MVB12B: variants seen among roughly 807,000 people sequenced by gnomAD.
The protein encoded by MVB12B is ESCRT-I complex subunit MVB12B.
MVB12B carries 16 observed loss-of-function variants against 41.6 expected under a neutral mutation model. That is an observed-to-expected ratio of 0.38 (90% CI 0.26 to 0.58). The LOEUF is 0.58. Ranked by LOEUF, MVB12B falls within the 20% of genes least tolerant of loss-of-function variation. MVB12B has a pLI of 0.62. For missense variants in MVB12B, 274 were observed against 380.2 expected (o/e 0.72, Z 2.32); for synonymous variants, 133 against 139.7 (o/e 0.95, Z 0.34).
Position 126,412,298 on chromosome 9 carries a change from A to T in MVB12B, c.663-9556A>T, listed in dbSNP as rs565184707. ...TGTGCGTCACAGATGACTTCTTCCC[A>T]GTGGTGTTTGCAGGAATAATGTGGA... On this transcript the variant is annotated intron_variant, in intron 6 of 9. Transcript: ENST00000361171. 4.6e-5 allele frequency among the ~76,000 whole-genome samples: 7 copies of T among 152,278 alleles called. 1 individual carries two copies. In the South Asian group the frequency reaches 1.5e-3, roughly 32 times the overall value.
At chr9:126,434,564 T>C (rs918090902) in intron 7 of MVB12B, among the ~76,000 whole-genome samples, 1 of 152,254 alleles carries the variant, frequency 6.6e-6, no homozygotes, top group African/African-American at 2.4e-5. Context: ...AATCGCTTGC[T>C]ACCTAGAGGC....
At chr9:126,406,095 C>T (rs922565865) in intron 6 of MVB12B, among the ~76,000 whole-genome samples, 2 of 150,654 alleles carry the variant, frequency 1.3e-5, no homozygotes, top group African/African-American at 2.4e-5. Flanking sequence ...CCCAGGCTGG[C>T]GTGTTGAGAA....
chr9:126,382,968 T>C (rs987659707), intron 3 of MVB12B, among the ~76,000 whole-genome samples: 5 of 152,142 alleles, frequency 3.3e-5, no homozygotes, highest in African/African-American at 9.7e-5. Context: ...ACAAGGGCAG[T>C]GTGAAAAGCC....
chr9:126,420,504 C>G (rs1343575381), intron 6 of MVB12B, among the ~76,000 whole-genome samples: 2 of 151,414 alleles, frequency 1.3e-5, no homozygotes, highest in Admixed American at 1.3e-4. Flanking sequence ...CCGGTTCCAG[C>G]TCAATCCTGG....
At chr9:126,360,479 T>C (rs894636220) in intron 2 of MVB12B, among the ~76,000 whole-genome samples, 9 of 152,238 alleles carry the variant, frequency 5.9e-5, no homozygotes, top group African/African-American at 1.9e-4. Context: ...CTGTGATTCA[T>C]TGACTTCAGC....
At chr9:126,440,631 C>T (rs1431187946) in intron 7 of MVB12B, among the ~76,000 whole-genome samples, 1 of 151,738 alleles carries the variant, frequency 6.6e-6, no homozygotes, top group Non-Finnish European at 1.5e-5. Flanking sequence ...CACTTCTAAA[C>T]GTGTAGCAAA....
chr9:126,340,570 T>A lies in MVB12B; in HGVS notation c.144T>A (p.Asp48Glu), dbSNP rs1829417132. 8 of 1,614,186 alleles carry A rather than the reference T, an allele frequency of 5.0e-6. No individual in the cohort carries two copies. Among genetic ancestry groups the A allele is most frequent in the Non-Finnish European group, 6.8e-6 (8 of 1,180,010 alleles). ...LSEALPETSM[D>E]PITGVGVVAS... ...AAGCCTTGCCAGAAACGTCAATGGA[T>A]CCCATCACGGGAGTCGGGGTGGTGG... Residue 48 changes from aspartate (D) to glutamate (E), a missense_variant, in exon 2 of 10, where the codon GAT (aspartate) becomes GAA (glutamate). Transcript: ENST00000361171. This position sits in a 1 kb window ranked among gnomAD's most constrained non-coding sequence, Gnocchi z 4.0.
chr9:126,345,556 A>C (rs958383215), intron 2 of MVB12B, among the ~76,000 whole-genome samples: 32 of 152,384 alleles, frequency 2.1e-4, no homozygotes, highest in Middle Eastern at 3.4e-3. Context: ...AGGCCTGATG[A>C]TAATAAGCAT....
intron 9 of MVB12B, among the ~76,000 whole-genome samples, chr9:126,497,129 A>G (rs993401808): frequency 7.2e-5 from 11 of 152,158 alleles, no homozygotes; most frequent in African/African-American, 2.4e-4. Flanking sequence ...GTGCCCAGAC[A>G]CACAGGCTTC....
intron 2 of MVB12B, among the ~76,000 whole-genome samples, chr9:126,350,246 G>T (rs1829711176): frequency 6.6e-6 from 1 of 152,088 alleles, no homozygotes; most frequent in African/African-American, 2.4e-5. Flanking sequence ...TGAGTCCTTT[G>T]TTGGATATGT....
intron 2 of MVB12B, among the ~76,000 whole-genome samples, chr9:126,377,727 G>A (rs967587623): frequency 6.6e-6 from 1 of 152,060 alleles, no homozygotes; most frequent in Non-Finnish European, 1.5e-5. Context: ...GGATAGCAGC[G>A]GGAGGGCAGA....
At chr9:126,434,539 C>CCTGTGTGCTGCCCTG (rs1490943260) in intron 7 of MVB12B, among the ~76,000 whole-genome samples, 1 of 152,222 alleles carries the variant, frequency 6.6e-6, no homozygotes, top group East Asian at 1.9e-4. Flanking sequence ...TCTGGTGACA[C>CCTGTGTGCTGCCCTG]ACTTAGAAGT....
At chr9:126,493,565 C>T (rs1309528202) in intron 9 of MVB12B, among the ~76,000 whole-genome samples, 1 of 152,128 alleles carries the variant, frequency 6.6e-6, no homozygotes, top group Non-Finnish European at 1.5e-5. Flanking sequence ...GAAGGAAGTT[C>T]CGAAAAGCCC....
At chr9:126,375,363 C>CTTTTTTTT (rs35585049) in intron 2 of MVB12B, among the ~76,000 whole-genome samples, 2 of 105,210 alleles carry the variant, frequency 1.9e-5, no homozygotes, top group African/African-American at 3.8e-5. Context: ...TAAATTGATT[C>CTTTTTTTT]TTTTTTTTTT....
At position 126,483,034 on chromosome 9, in the gene MVB12B, C is replaced by T. The variant is rs149363300; in HGVS notation, c.814-939C>T. ...TGGCCTCACAGGAAACCCCTGCTGG[C>T]TTCGCGGAGGCTCCAGCTCCCCTCC... On this transcript the variant is annotated intron_variant, in intron 8 of 9. Transcript: ENST00000361171. Among the ~76,000 whole-genome samples, 330 of 152,384 alleles carry T rather than the reference C, an allele frequency of 2.2e-3. 1 individual carries two copies. Among genetic ancestry groups the T allele is most frequent in the African/African-American group, 7.0e-3 (293 of 41,598 alleles).
chr9:126,472,416 T>C (rs1412563451), intron 7 of MVB12B, among the ~76,000 whole-genome samples: 1 of 150,820 alleles, frequency 6.6e-6, no homozygotes, highest in Non-Finnish European at 1.5e-5. Context: ...AGCATGCAGA[T>C]TGGACTGACT....
intron 6 of MVB12B, among the ~76,000 whole-genome samples, chr9:126,409,951 T>A (rs1831581101): frequency 1.3e-5 from 2 of 152,228 alleles, no homozygotes; most frequent in South Asian, 4.1e-4. Flanking sequence ...TAACCGTTGT[T>A]CTTGATTATT....
Position 126,392,334 on chromosome 9 carries a change from G to A in MVB12B, c.539+139G>A, listed in dbSNP as rs1830982072. The A allele has an allele frequency of 4.0e-6, 4 of 1,003,006 alleles. No individual in the cohort carries two copies. Among genetic ancestry groups the A allele is most frequent in the Middle Eastern group, 3.1e-4 (1 of 3,240 alleles). 62.1% of individuals were successfully genotyped at this position (1,003,006 alleles called of 1,614,324 possible). A position where few individuals can be genotyped will look rare whatever the true frequency, so the allele number is the denominator to read the frequency against. ...GGCCTCTGTCAGCCCAGTGCTCCTC[G>A]CTGCCCTTCCTGCTCAGCTGCGGTC... On this transcript the variant is annotated intron_variant, in intron 5 of 9. Coordinates refer to ENST00000361171, the MANE Select transcript of MVB12B (RefSeq NM_033446.3). The surrounding 1 kb of genome is among the most constrained non-coding windows in gnomAD (Gnocchi z 4.8).
chr9:126,340,409 G>A lies in MVB12B; in HGVS notation c.82-99G>A. 1.4e-6 allele frequency: 2 copies of A among 1,385,394 alleles called. No homozygotes were observed. Among genetic ancestry groups the A allele is most frequent in the Non-Finnish European group, 2.0e-6 (2 of 994,040 alleles). The allele number at this position is 1,385,394 out of a possible 1,614,324, so 85.8% of individuals were successfully genotyped here. A position where few individuals can be genotyped will look rare whatever the true frequency, so the allele number is the denominator to read the frequency against. On this transcript the variant is annotated intron_variant, in intron 1 of 9. Transcript: ENST00000361171. The surrounding 1 kb of genome is among the most constrained non-coding windows in gnomAD (Gnocchi z 4.0). ...ACCAGTACAGGTATGTGAAACTCAG[G>A]GTATTTGCCCCAAGATTCTGGTTCT...
Sources: gnomAD v4.1 joint callset for allele counts (sites outside exome capture counted in the v4.1 genomes callset) on GRCh38, gnomAD v4.1.1 for gene constraint, Gnocchi (gnomAD v3.1) non-coding constraint, MANE v1.5 for transcripts, NCBI Gene and HGNC (gene_info 2026-07-23, HGNC 2026-07-21) for gene names.